The following FGF13 variants were observed in gnomAD, a reference collection of about 807,000 sequenced individuals.
The protein encoded by FGF13 is fibroblast growth factor homologous factor 2.
A neutral mutation model predicts 19.5 loss-of-function variants in FGF13; 2 were observed. The ratio of observed to expected loss-of-function variants is 0.10; its 90% CI spans 0.04 to 0.32. FGF13 has a LOEUF of 0.32. Among genes scored for constraint, FGF13 ranks in the 10% least tolerant of loss-of-function variants. FGF13 has a pLI of 1.00. For synonymous variants in FGF13, 72 were observed against 76.9 expected, an observed-to-expected ratio of 0.94 and a Z score of 0.33; for missense variants, 113 against 192.7, an observed-to-expected ratio of 0.59 and a Z score of 2.45.
chrX:138,776,190 C>G (rs1353369519), intron 3 of FGF13, among the ~76,000 whole-genome samples: 2 of 111,962 alleles, frequency 1.8e-5, no homozygotes, highest in African/African-American at 3.2e-5. Flanking sequence ...CACCTAGACC[C>G]TCTCTGACAA....
chrX:138,778,890 G>A (rs2090614147), intron 3 of FGF13, among the ~76,000 whole-genome samples: 1 of 112,563 alleles, frequency 8.9e-6, no homozygotes, highest in South Asian at 3.6e-4. Context: ...AAAGACAGCA[G>A]TAACCTCTGC....
chrX:138,814,689 G>C (rs2090949713), intron 3 of FGF13, among the ~76,000 whole-genome samples: 1 of 111,176 alleles, frequency 9.0e-6, no homozygotes, highest in South Asian at 3.8e-4. Flanking sequence ...ATTATCACAA[G>C]ATAACAAGTG....
At chrX:138,705,722 C>A (rs1317922086) in intron 2 of FGF13, among the ~76,000 whole-genome samples, 2 of 111,693 alleles carry the variant, frequency 1.8e-5, no homozygotes, top group Non-Finnish European at 3.8e-5. Flanking sequence ...GAAATTATAT[C>A]AGGGGTGAGC....
At chrX:139,142,714 G>T (rs1044398233) in intron 1 of FGF13, among the ~76,000 whole-genome samples, 3 of 100,961 alleles carry the variant, frequency 3.0e-5, no homozygotes, top group African/African-American at 1.4e-4. Context: ...CTCAAAAGTT[G>T]TTGTGAGAAT....
intron 1 of FGF13, among the ~76,000 whole-genome samples, chrX:139,130,612 G>T (rs2083753257): frequency 9.0e-6 from 1 of 111,673 alleles, no homozygotes; most frequent in Admixed American, 9.5e-5. Flanking sequence ...AGAAAGGTTT[G>T]GCTTTCTTTG....
rs753834718 is a variant in FGF13, at chrX:138,912,283, C to G, written c.-112-47633G>C. On this transcript the variant is annotated intron_variant, in intron 1 of 2. Transcript: ENST00000421460. ...TTTCCATGGCAATTTACATTTTGAA[C>G]TTTTCACAATCGTTTTCTGTCGGCA... Among the ~76,000 whole-genome samples the G allele has an allele frequency of 1.6e-3, 176 of 111,240 alleles. 1 individual carries two copies. Among genetic ancestry groups the G allele is most frequent in the African/African-American group, 5.6e-3 (170 of 30,587 alleles).
rs184418923 is a variant in FGF13, at chrX:138,896,224, A to T, written c.-112-31574T>A. ...AATTAGCTTGATTAATCATTCCACA[A>T]TTTGTGTGTGTGTGTATATATATTT... On this transcript the variant is annotated intron_variant, in intron 1 of 2. Coordinates refer to the FGF13 transcript ENST00000421460. 3.9e-3 allele frequency among the ~76,000 whole-genome samples: 430 copies of T among 109,918 alleles called. 2 individuals carry two copies. The highest frequency in any genetic ancestry group is 0.014 in the African/African-American group (393 of 28,960).
At chrX:138,687,390 A>G (rs2089793732) in intron 3 of FGF13, among the ~76,000 whole-genome samples, 1 of 112,210 alleles carries the variant, frequency 8.9e-6, no homozygotes, top group Non-Finnish European at 1.9e-5. Context: ...TCTTCAACAG[A>G]CACATGAAAA....
rs771551388 is a variant in FGF13 at position 138,952,905 on chromosome X, G to T, written c.-112-88255C>A. On this transcript the variant is annotated intron_variant, in intron 1 of 2. Coordinates refer to the FGF13 transcript ENST00000421460. ...ACCACCTCACACCAGTTAGAATGGT[G>T]ATCATTAAAAAGTCAGGAAACAACA... is the stretch of plus-strand genomic sequence containing the variant. 8.2e-5 allele frequency among the ~76,000 whole-genome samples: 9 copies of T among 110,184 alleles called. No homozygotes were observed. In the East Asian group the frequency reaches 2.6e-3, roughly 32 times the overall value.
At chrX:138,987,647 G>A (rs1222651435) in intron 1 of FGF13, among the ~76,000 whole-genome samples, 1 of 111,688 alleles carries the variant, frequency 9.0e-6, no homozygotes, top group African/African-American at 3.3e-5. Context: ...TGTTAACACT[G>A]GAAAATTAGC....
intron 3 of FGF13, among the ~76,000 whole-genome samples, chrX:138,647,705 C>G (rs1045517815): frequency 8.9e-6 from 1 of 111,846 alleles, no homozygotes; most frequent in African/African-American, 3.3e-5. Flanking sequence ...TTTATCAAAA[C>G]ATGCAATTTA....
chrX:138,909,731 A>G (rs2091577373), intron 1 of FGF13, among the ~76,000 whole-genome samples: 2 of 112,135 alleles, frequency 1.8e-5, no homozygotes, highest in Admixed American at 1.9e-4. Context: ...TAAGTTCTTT[A>G]AACTCCATTT....
At chrX:138,735,316 T>C (rs2090265355) in intron 1 of FGF13, among the ~76,000 whole-genome samples, 1 of 111,916 alleles carries the variant, frequency 8.9e-6, no homozygotes, top group Admixed American at 9.5e-5. Context: ...AGCCTTGGAA[T>C]GTGCCTAAAT....
chrX:139,061,618 A>T (rs5976258), intron 1 of FGF13, among the ~76,000 whole-genome samples: 1,708 of 110,543 alleles, frequency 0.015, 17 homozygotes, highest in East Asian at 0.061. Context: ...ATTTTTTTTT[A>T]AAATAAATTA....
At chrX:138,882,943 C>T (rs2091434761) in intron 1 of FGF13, among the ~76,000 whole-genome samples, 1 of 110,991 alleles carries the variant, frequency 9.0e-6, no homozygotes, top group African/African-American at 3.3e-5. Flanking sequence ...GAGAAACCTG[C>T]CCCCCAAAAC....
chrX:138,643,475 A>C (rs897330201), intron 3 of FGF13, among the ~76,000 whole-genome samples: 2 of 112,174 alleles, frequency 1.8e-5, no homozygotes, highest in African/African-American at 6.5e-5. Flanking sequence ...TAGCTTGTTG[A>C]GACTCGTGAC....
chrX:139,002,412 T>C (rs751296535), intron 1 of FGF13, among the ~76,000 whole-genome samples: 53 of 111,198 alleles, frequency 4.8e-4, no homozygotes, highest in Non-Finnish European at 9.2e-4. Flanking sequence ...ATAAATCTAA[T>C]ATTGCCGTCA....
chrX:138,932,703 AGTGTGTGT>A (rs57793547), intron 1 of FGF13, among the ~76,000 whole-genome samples: 81 of 90,301 alleles, frequency 9.0e-4, no homozygotes, highest in African/African-American at 2.9e-3. Context: ...TCAGGAGTGT[AGTGTGTGT>A]GTGTGTGTGT....
chrX:139,057,120 G>T (rs41312614), intron 1 of FGF13, among the ~76,000 whole-genome samples: 145 of 111,551 alleles, frequency 1.3e-3, no homozygotes, highest in Non-Finnish European at 2.1e-3. Context: ...CCAGAACTTG[G>T]ATGCAAAGAT....
Sources: gnomAD v4.1 joint callset for allele counts (sites outside exome capture counted in the v4.1 genomes callset) on GRCh38, gnomAD v4.1.1 for gene constraint, MANE v1.5 for transcripts, NCBI Gene and HGNC (gene_info 2026-07-23, HGNC 2026-07-21) for gene names.